GNAQ: variants seen among roughly 807,000 people sequenced by gnomAD.
GNAQ encodes guanine nucleotide-binding protein G(q) subunit alpha.
Under a neutral mutation model 43.9 loss-of-function variants are expected in GNAQ, and 8 were observed. The observed-to-expected ratio is 0.18, with a 90% CI of 0.11 to 0.33. The LOEUF is 0.33. GNAQ is among the 10% of genes least tolerant of loss of function. The pLI, the probability that GNAQ is intolerant of heterozygous loss-of-function variation, is 1.00. For missense variants in GNAQ, 158 were observed against 450.8 expected, an observed-to-expected ratio of 0.35 and a Z score of 5.88; for synonymous variants, 155 against 170.7, an observed-to-expected ratio of 0.91 and a Z score of 0.71.
intron 1 of GNAQ, among the ~76,000 whole-genome samples, chr9:77,952,941 C>T (rs899983645): frequency 6.6e-6 from 1 of 152,158 alleles, no homozygotes; most frequent in African/African-American, 2.4e-5. Context: ...CTATAAACAT[C>T]AGCAATTGTT....
intron 2 of GNAQ, among the ~76,000 whole-genome samples, chr9:77,818,061 T>C (rs1827050495): frequency 6.6e-6 from 1 of 152,196 alleles, no homozygotes; most frequent in African/African-American, 2.4e-5. Context: ...GAAAGTTTCA[T>C]GTTGACTCTG....
At chr9:78,004,495 T>C (rs1823681990) in intron 1 of GNAQ, among the ~76,000 whole-genome samples, 1 of 152,020 alleles carries the variant, frequency 6.6e-6, no homozygotes, top group Non-Finnish European at 1.5e-5. Flanking sequence ...GAGATTCTCA[T>C]GAACATGAAA....
At chr9:77,855,434 G>A (rs545448367) in intron 2 of GNAQ, among the ~76,000 whole-genome samples, 82 of 152,008 alleles carry the variant, frequency 5.4e-4, no homozygotes, top group Non-Finnish European at 7.5e-4. Context: ...TTAAATCGCA[G>A]TTCCCCAAAA....
intron 2 of GNAQ, among the ~76,000 whole-genome samples, chr9:77,824,521 T>C (rs1827164921): frequency 6.6e-6 from 1 of 152,214 alleles, no homozygotes; most frequent in Non-Finnish European, 1.5e-5. Context: ...GTGATTTATG[T>C]GTGAGCCATA....
intron 1 of GNAQ, among the ~76,000 whole-genome samples, chr9:77,972,201 T>C (rs1402458313): frequency 1.3e-5 from 2 of 152,194 alleles, no homozygotes; most frequent in East Asian, 3.9e-4. Context: ...TATTTGGGGA[T>C]GATATAATTG....
At chr9:77,756,863 G>A (rs1049821548) in intron 5 of GNAQ, among the ~76,000 whole-genome samples, 21 of 152,090 alleles carry the variant, frequency 1.4e-4, no homozygotes, top group African/African-American at 5.1e-4. Flanking sequence ...GCTCTAAAAT[G>A]CTATGATTCA....
At chr9:77,900,684 C>T (rs1441891740) in intron 2 of GNAQ, among the ~76,000 whole-genome samples, 1 of 152,178 alleles carries the variant, frequency 6.6e-6, no homozygotes, top group Admixed American at 6.5e-5. Flanking sequence ...TGTGCTACCA[C>T]ACCTGGCTTC....
intron 5 of GNAQ, among the ~76,000 whole-genome samples, chr9:77,732,853 G>GAGAGCT (rs1482380088): frequency 4.6e-5 from 7 of 152,312 alleles, no homozygotes; most frequent in African/African-American, 1.7e-4. Flanking sequence ...AGCTGGATCA[G>GAGAGCT]GGAGAGCAGG....
intron 5 of GNAQ, among the ~76,000 whole-genome samples, chr9:77,779,393 G>C (rs1273966291): frequency 9.9e-5 from 15 of 151,490 alleles, no homozygotes; most frequent in Non-Finnish European, 1.8e-4. Flanking sequence ...CAAAATTTGT[G>C]GAATACAACA....
intron 1 of GNAQ, among the ~76,000 whole-genome samples, chr9:77,940,055 C>T (rs999068535): frequency 2.6e-5 from 4 of 152,016 alleles, no homozygotes; most frequent in African/African-American, 9.7e-5. Context: ...GTGTAAACCA[C>T]AATAGTCCTA....
At chr9:77,948,541 C>T (rs577587608) in intron 1 of GNAQ, among the ~76,000 whole-genome samples, 22 of 152,250 alleles carry the variant, frequency 1.4e-4, no homozygotes, top group Middle Eastern at 3.4e-3. Flanking sequence ...CTGTGGGGTC[C>T]AGCCAGGAGG....
At chr9:77,989,147 A>G (rs187456810) in intron 1 of GNAQ, among the ~76,000 whole-genome samples, 123 of 152,254 alleles carry the variant, frequency 8.1e-4, no homozygotes, top group African/African-American at 2.9e-3. Flanking sequence ...TATGTTTTTT[A>G]AAAATCTTGA....
chr9:77,802,496 A>T (rs1395459962), intron 3 of GNAQ, among the ~76,000 whole-genome samples: 3 of 152,162 alleles, frequency 2.0e-5, no homozygotes, highest in African/African-American at 7.2e-5. Flanking sequence ...CTAAAAAAAA[A>T]ATTGGTGGAA....
In GNAQ at chr9:77,980,919, T is replaced by C. The variant is rs79609988; in HGVS notation, c.136+50181A>G. Among the ~76,000 whole-genome samples, 781 of 152,316 alleles carry C rather than the reference T, an allele frequency of 5.1e-3. 7 individuals carry two copies. Among genetic ancestry groups the C allele is most frequent in the African/African-American group, 0.017 (727 of 41,570 alleles). The stretch of plus-strand genomic sequence containing the variant: ...TCTATGAATTTTATTCTCTGGAATC[T>C]AAACAGGCTCTTCCTTCATTGCTTT... On this transcript the variant is annotated intron_variant, in intron 1 of 6. Transcript: ENST00000286548.
intron 5 of GNAQ, among the ~76,000 whole-genome samples, chr9:77,787,167 G>A (rs371214931): frequency 6.6e-6 from 1 of 152,238 alleles, no homozygotes; most frequent in East Asian, 1.9e-4. Flanking sequence ...GATTCTCTTT[G>A]TATAAAAGTT....
At chr9:77,913,834 T>C (rs899517723) in intron 2 of GNAQ, among the ~76,000 whole-genome samples, 11 of 152,160 alleles carry the variant, frequency 7.2e-5, no homozygotes, top group African/African-American at 1.2e-4. Context: ...TATACATGTA[T>C]TGACAATGGA....
intron 2 of GNAQ, among the ~76,000 whole-genome samples, chr9:77,914,561 C>G (rs187315789): frequency 1.3e-5 from 2 of 152,016 alleles, no homozygotes; most frequent in Admixed American, 6.6e-5. Context: ...ACTTGGGAGG[C>G]TGAGGCAGGA....
intron 2 of GNAQ, among the ~76,000 whole-genome samples, chr9:77,836,574 A>T (rs1827390099): frequency 6.6e-6 from 1 of 152,140 alleles, no homozygotes; most frequent in African/African-American, 2.4e-5. Context: ...GCTGGAAGAC[A>T]CTGGAGTACA....
chr9:77,772,226 T>C (rs962476532), intron 5 of GNAQ, among the ~76,000 whole-genome samples: 1 of 152,236 alleles, frequency 6.6e-6, no homozygotes, highest in African/African-American at 2.4e-5. Context: ...CTGACTGTGA[T>C]ATCCTTTAAC....
Sources: allele counts gnomAD v4.1 joint callset (sites outside exome capture counted in the v4.1 genomes callset), GRCh38; gene constraint gnomAD v4.1.1; transcripts MANE v1.5; gene names NCBI Gene and HGNC (gene_info 2026-07-23, HGNC 2026-07-21).